PYGL: variants seen among roughly 807,000 people sequenced by gnomAD.
The protein encoded by PYGL is glycogen phosphorylase L.
A neutral mutation model predicts 100.1 loss-of-function variants in PYGL; 90 were observed. That is an observed-to-expected ratio of 0.90 (90% CI 0.76 to 1.07). PYGL has a LOEUF of 1.07. Ranked by LOEUF, PYGL falls within the 50% of genes least tolerant of loss-of-function variation. The pLI, the probability that PYGL is intolerant of heterozygous loss-of-function variation, is 0.00. For synonymous variants in PYGL, 373 were observed against 393.0 expected, an observed-to-expected ratio of 0.95 and a Z score of 0.60; for missense variants, 1,016 against 1,057.6, an observed-to-expected ratio of 0.96 and a Z score of 0.55.
intron 3 of PYGL, among the ~76,000 whole-genome samples, chr14:50,934,713 T>C (rs951984642): frequency 1.3e-5 from 2 of 152,012 alleles, no homozygotes; most frequent in Admixed American, 6.6e-5. Flanking sequence ...ATAATGTGAA[T>C]GAATATGCAG....
At chr14:50,919,307 G>C (rs2050480164) in intron 7 of PYGL, among the ~76,000 whole-genome samples, 1 of 152,166 alleles carries the variant, frequency 6.6e-6, no homozygotes, top group African/African-American at 2.4e-5. Flanking sequence ...TTTTGGGTTA[G>C]AGATTTCTCT....
rs889803313 is a variant in PYGL at position 50,912,003 on chromosome 14, G to A, written c.1802C>T (p.Pro601Leu). 10 of 1,613,968 alleles carry A rather than the reference G, an allele frequency of 6.2e-6. No individual in the cohort carries two copies. Among genetic ancestry groups the A allele is most frequent in the Non-Finnish European group, 7.6e-6 (9 of 1,179,848 alleles). The change falls in exon 15 of 20, where the codon CCA becomes CTA. Residue 601 changes from proline to leucine, a missense_variant. Coordinates refer to ENST00000216392, the MANE Select transcript of PYGL (RefSeq NM_002863.5). Reference sequence around the variant, plus strand: ...TTTACCACCAATGATAACTGTCCTTGGCACGAATAACTTCTTAGGGTCTTT... The same window carrying A: ...TTTACCACCAATGATAACTGTCCTTAGCACGAATAACTTCTTAGGGTCTTT... Reference protein sequence around the residue: ...IKKDPKKLFVPRTVIIGGKAA... With the variant: ...IKKDPKKLFVLRTVIIGGKAA...
intron 1 of PYGL, 51 bp from the exon 2 acceptor site, chr14:50,937,888 T>C (rs763080715): frequency 6.7e-7 from 1 of 1,497,954 alleles, no homozygotes; most frequent in South Asian, 1.1e-5. Flanking sequence ...TCAACCTCAC[T>C]TAACATAAAA....
At chr14:50,912,439 G>C in intron 13 of PYGL, 136 bp from the exon 14 acceptor site, 1 of 1,036,698 alleles carries the variant, frequency 9.6e-7, no homozygotes. Context: ...GATCACCGCA[G>C]CCTCCACCTC....
chr14:50,926,586 C>T (rs1308287735), intron 4 of PYGL, among the ~76,000 whole-genome samples: 1 of 149,738 alleles, frequency 6.7e-6, no homozygotes, highest in Non-Finnish European at 1.5e-5. Context: ...ATTAGCCGGG[C>T]ATGGTGGCGG....
chr14:50,915,754 A>T, intron 10 of PYGL, 71 bp downstream of exon 10: 1 of 1,556,562 alleles, frequency 6.4e-7, no homozygotes. Context: ...GTAAGAGGGA[A>T]CACTGTAGCC....
rs374663185 is a variant in PYGL, at chr14:50,935,449, G to A, written c.346-264C>T. Among the ~76,000 whole-genome samples the A allele has an allele frequency of 5.9e-4, 90 of 152,314 alleles. No homozygotes were observed. In the Middle Eastern group the frequency reaches 0.024, roughly 40 times the overall value. ...TTACTTCTTACATGACCCTGGGCAA[G>A]CTACTAACTCTATGCCTCAATTTTC... On this transcript the variant is annotated intron_variant, in intron 2 of 19. Coordinates refer to ENST00000216392, the MANE Select transcript of PYGL (RefSeq NM_002863.5).
intron 4 of PYGL, among the ~76,000 whole-genome samples, chr14:50,924,486 C>T (rs773511232): frequency 8.5e-5 from 13 of 152,158 alleles, no homozygotes; most frequent in Non-Finnish European, 1.6e-4. Flanking sequence ...AAGACAGACG[C>T]CTTACAGGGA....
chr14:50,933,353 A>G (rs749221048), intron 3 of PYGL, among the ~76,000 whole-genome samples: 2 of 152,192 alleles, frequency 1.3e-5, no homozygotes, highest in African/African-American at 2.4e-5. Context: ...TGTTTTGTTC[A>G]TTATTAATGA....
At chr14:50,927,321 T>G (rs1027382018) in intron 4 of PYGL, among the ~76,000 whole-genome samples, 1 of 152,182 alleles carries the variant, frequency 6.6e-6, no homozygotes, top group Non-Finnish European at 1.5e-5. Context: ...GCCTCCCAGA[T>G]TCAAGTGATT....
At chr14:50,931,166 G>A (rs1300562487) in intron 4 of PYGL, among the ~76,000 whole-genome samples, 1 of 152,130 alleles carries the variant, frequency 6.6e-6, no homozygotes, top group Non-Finnish European at 1.5e-5. Context: ...TCTGAGTGTA[G>A]AATAGAATAC....
intron 1 of PYGL, among the ~76,000 whole-genome samples, chr14:50,942,023 A>C (rs967477267): frequency 2.6e-5 from 4 of 152,214 alleles, no homozygotes; most frequent in African/African-American, 9.6e-5. Flanking sequence ...TAGAAAAGGA[A>C]TTCAGACTAG....
intron 1 of PYGL, among the ~76,000 whole-genome samples, chr14:50,941,843 A>C (rs1224582658): frequency 6.6e-6 from 1 of 152,140 alleles, no homozygotes; most frequent in East Asian, 1.9e-4. Context: ...GCATCATTGC[A>C]CTCCAACATG....
intron 4 of PYGL, among the ~76,000 whole-genome samples, chr14:50,930,117 TA>T (rs2050589582): frequency 1.3e-5 from 2 of 152,214 alleles, no homozygotes; most frequent in African/African-American, 4.8e-5. Context: ...TTGTTAAAAT[TA>T]ATTAAAAATA....
intron 1 of PYGL, among the ~76,000 whole-genome samples, chr14:50,942,324 C>T (rs759621745): frequency 7.2e-6 from 1 of 139,818 alleles, no homozygotes; most frequent in Admixed American, 8.2e-5. Context: ...ACCAGGAAAA[C>T]CATAAAGCAC....
At chr14:50,912,126 G>T (rs1262644115) in intron 14 of PYGL, 30 bp downstream of exon 14, 30 of 1,614,038 alleles carry the variant, frequency 1.9e-5, no homozygotes, top group Non-Finnish European at 2.5e-5. Flanking sequence ...CCACCTGCAA[G>T]GGGGCTTGTT....
intron 13 of PYGL, among the ~76,000 whole-genome samples, chr14:50,912,591 C>T (rs1214049775): frequency 6.6e-6 from 1 of 152,186 alleles, no homozygotes; most frequent in African/African-American, 2.4e-5. Flanking sequence ...GATTCACCCT[C>T]CTTGGCTGCC....
intron 11 of PYGL, 169 bp downstream of exon 11, chr14:50,915,167 C>CCTTTT: frequency 1.1e-6 from 1 of 902,034 alleles, no homozygotes; most frequent in Admixed American, 2.5e-5. Flanking sequence ...TCTTTTCTTT[C>CCTTTT]CTTTTCTTTT....
At chr14:50,942,714 G>C (rs1011867737) in intron 1 of PYGL, among the ~76,000 whole-genome samples, 1 of 138,802 alleles carries the variant, frequency 7.2e-6, no homozygotes, top group African/African-American at 2.5e-5. Flanking sequence ...CCAGCTACTC[G>C]AGAGTCTGAG....
Sources: allele counts gnomAD v4.1 joint callset (sites outside exome capture counted in the v4.1 genomes callset), GRCh38; gene constraint gnomAD v4.1.1; transcripts MANE v1.5; gene names NCBI Gene and HGNC (gene_info 2026-07-23, HGNC 2026-07-21).